SNRPN: variants seen among roughly 807,000 people sequenced by gnomAD.
SNRPN encodes the protein small nuclear ribonucleoprotein-associated protein N.
SNRPN carries 7 observed loss-of-function variants against 25.2 expected under a neutral mutation model. The ratio of observed to expected loss-of-function variants is 0.28; its 90% CI spans 0.16 to 0.52. SNRPN has a LOEUF of 0.52. Among genes scored for constraint, SNRPN ranks in the 20% least tolerant of loss-of-function variants. SNRPN has a pLI of 0.96. For missense variants in SNRPN, 196 were observed against 322.5 expected (o/e 0.61, Z 3.00); for synonymous variants, 124 against 110.6 (o/e 1.12, Z -0.76).
At chr15:24,926,283 T>C (rs1229485182) in intron 3 of SNRPN, among the ~76,000 whole-genome samples, 1 of 152,150 alleles carries the variant, frequency 6.6e-6, no homozygotes, top group Non-Finnish European at 1.5e-5. Context: ...TTTTTATTTA[T>C]ATATTTGAAT....
chr15:24,977,167 T>G, intron 7 of SNRPN, 138 bp downstream of exon 7: 1 of 600,384 alleles, frequency 1.7e-6, no homozygotes, highest in South Asian at 3.5e-5. Context: ...CACAGATATA[T>G]GGGAGGAAGG....
intron 3 of SNRPN, among the ~76,000 whole-genome samples, chr15:24,973,027 A>G (rs976913631): frequency 3.9e-5 from 6 of 152,042 alleles, no homozygotes; most frequent in African/African-American, 1.4e-4. Context: ...AGCTGGGATT[A>G]CAGGCGCCTG....
chr15:24,931,586 C>T (rs2060858494), intron 3 of SNRPN, among the ~76,000 whole-genome samples: 1 of 151,526 alleles, frequency 6.6e-6, no homozygotes, highest in Non-Finnish European at 1.5e-5. Flanking sequence ...TGTAATCCTA[C>T]ACTTTGGGAG....
chr15:24,927,475 A>ATTTTTTTTTTTTTTTTTTTTTTTTTT (rs1566921436), intron 3 of SNRPN, among the ~76,000 whole-genome samples: 3 of 113,332 alleles, frequency 2.6e-5, no homozygotes, highest in Non-Finnish European at 3.5e-5. Context: ...AAAGTTTTTA[A>ATTTTTTTTTTTTTTTTTTTTTTTTTT]ATTTTTTTTT....
upstream of SNRPN, among the ~76,000 whole-genome samples, chr15:24,951,972 T>A (rs1035308337): frequency 6.6e-6 from 1 of 152,196 alleles, no homozygotes; most frequent in Non-Finnish European, 1.5e-5. Context: ...TTATTATTTT[T>A]GGTTGCTTTT....
At chr15:24,959,497 T>C (rs1276668639) in intron 1 of SNRPN, among the ~76,000 whole-genome samples, 5 of 152,112 alleles carry the variant, frequency 3.3e-5, no homozygotes, top group African/African-American at 7.2e-5. Context: ...AATAGAATAT[T>C]TTGGTTTGAT....
At chr15:24,841,784 G>T (rs772394078) in intron 2 of SNRPN, among the ~76,000 whole-genome samples, 1 of 152,094 alleles carries the variant, frequency 6.6e-6, no homozygotes, top group Non-Finnish European at 1.5e-5. Context: ...GACATTGTAC[G>T]TGTTAGTTCC....
intron 2 of SNRPN, among the ~76,000 whole-genome samples, chr15:24,893,691 A>G (rs2057855607): frequency 8.1e-6 from 1 of 123,516 alleles, no homozygotes; most frequent in South Asian, 2.5e-4. Flanking sequence ...CTGATAGTAC[A>G]TTCCCATTAA....
At chr15:24,956,743 A>G (rs1596169198) in intron 1 of SNRPN, among the ~76,000 whole-genome samples, 1 of 152,286 alleles carries the variant, frequency 6.6e-6, no homozygotes, top group South Asian at 2.1e-4. Context: ...CCGCCTAGCA[A>G]GCTTGGCAGC....
At chr15:24,948,721 G>A (rs970297928) in intron 3 of SNRPN, among the ~76,000 whole-genome samples, 3 of 152,028 alleles carry the variant, frequency 2.0e-5, no homozygotes, top group African/African-American at 7.2e-5. Flanking sequence ...CTGGTCGAAT[G>A]TTTGTAGAAT....
At chr15:24,951,583 C>T (rs1403772362), upstream of SNRPN, among the ~76,000 whole-genome samples, 5 of 151,304 alleles carry the variant, frequency 3.3e-5, no homozygotes, top group African/African-American at 1.2e-4. Flanking sequence ...TCTGGGCTTA[C>T]TGCAATCTCT....
rs919272396 is a variant in SNRPN at position 24,957,509 on chromosome 15, C to T, written c.-391+2447C>T. Among the ~76,000 whole-genome samples, 13 of 152,180 alleles carry T rather than the reference C, an allele frequency of 8.5e-5. No individual in the cohort carries two copies. In the East Asian group the frequency reaches 2.5e-3, roughly 29 times the overall value. ...ATATTCCAGTACTTTTTTAAAAAAT[C>T]ATTTTATTCTAAGGATTTTGTCTTC... On this transcript the variant is annotated intron_variant, in intron 1 of 9. Transcript: ENST00000390687.
intron 3 of SNRPN, among the ~76,000 whole-genome samples, chr15:24,970,931 A>G (rs185706694): frequency 2.0e-4 from 31 of 152,088 alleles, no homozygotes; most frequent in African/African-American, 7.0e-4. Context: ...GTTTTTGCAT[A>G]CTCTTCGATG....
intron 2 of SNRPN, among the ~76,000 whole-genome samples, chr15:24,919,125 T>C (rs1740569965): frequency 6.6e-6 from 1 of 150,486 alleles, no homozygotes; most frequent in Admixed American, 6.7e-5. Flanking sequence ...ATTTTATGTG[T>C]GTGCGTTAAA....
At chr15:24,824,759 C>T (rs1193516148) in intron 1 of SNRPN, among the ~76,000 whole-genome samples, 1 of 151,874 alleles carries the variant, frequency 6.6e-6, no homozygotes, top group Admixed American at 6.6e-5. Context: ...CCTCATATAT[C>T]GTTTGTATGA....
chr15:24,882,672 A>G (rs1180339793), intron 1 of SNRPN, among the ~76,000 whole-genome samples: 1 of 151,876 alleles, frequency 6.6e-6, no homozygotes, highest in East Asian at 1.9e-4. Flanking sequence ...TAAAAATACA[A>G]AAATTAGCTG....
chr15:24,948,363 C>T (rs985474797), intron 3 of SNRPN, among the ~76,000 whole-genome samples: 12 of 152,040 alleles, frequency 7.9e-5, no homozygotes, highest in African/African-American at 2.2e-4. Flanking sequence ...CTGCCCGCCT[C>T]GGCTTCCCAA....
upstream of SNRPN, among the ~76,000 whole-genome samples, chr15:24,954,231 C>A (rs1168314991): frequency 1.3e-5 from 2 of 152,138 alleles, no homozygotes; most frequent in African/African-American, 4.8e-5. Flanking sequence ...GCCTGTTTCT[C>A]CCCACTCCAG....
At chr15:24,878,163 TGTTAA>T (rs1262078470) in intron 1 of SNRPN, among the ~76,000 whole-genome samples, 2 of 152,190 alleles carry the variant, frequency 1.3e-5, no homozygotes, top group African/African-American at 4.8e-5. Flanking sequence ...GTTAAAGCCT[TGTTAA>T]GTTATTCTTT....
Sources: gnomAD v4.1 joint callset for allele counts (sites outside exome capture counted in the v4.1 genomes callset) on GRCh38, gnomAD v4.1.1 for gene constraint, MANE v1.5 for transcripts, NCBI Gene and HGNC (gene_info 2026-07-23, HGNC 2026-07-21) for gene names.